PRSS12: variants seen among roughly 807,000 people sequenced by gnomAD.
PRSS12 encodes serine protease 12.
PRSS12 carries 85 observed loss-of-function variants against 104.4 expected under a neutral mutation model. That is an observed-to-expected ratio of 0.81 (90% CI 0.68 to 0.98). PRSS12 has a LOEUF of 0.98. PRSS12 is among the 50% of genes least tolerant of loss of function. The pLI is 0.00. For synonymous variants in PRSS12, 454 were observed against 425.2 expected (o/e 1.07, Z -0.83); for missense variants, 1,141 against 1,139.2 (o/e 1.00, Z -0.02).
intron 4 of PRSS12, among the ~76,000 whole-genome samples, chr4:118,328,026 T>C (rs1240189708): frequency 1.3e-5 from 2 of 152,178 alleles, no homozygotes; most frequent in Admixed American, 1.3e-4. Flanking sequence ...AAAACTGAGA[T>C]GAAATTTGCT....
chr4:118,331,093 G>A (rs1037638194), intron 4 of PRSS12, among the ~76,000 whole-genome samples: 3 of 152,116 alleles, frequency 2.0e-5, no homozygotes, highest in Admixed American at 6.6e-5. Context: ...TATAATTTTA[G>A]AGAAACTTTC....
chr4:118,319,701 A>T (rs934194014), intron 4 of PRSS12, among the ~76,000 whole-genome samples: 1 of 152,096 alleles, frequency 6.6e-6, no homozygotes, highest in African/African-American at 2.4e-5. Flanking sequence ...ATTTTGAGAC[A>T]GGGTCTCACT....
chr4:118,300,464 G>A (rs1279407040), intron 8 of PRSS12, among the ~76,000 whole-genome samples: 1 of 151,894 alleles, frequency 6.6e-6, no homozygotes, highest in Non-Finnish European at 1.5e-5. Context: ...TCAAACTAAC[G>A]CCATATTTAG....
At chr4:118,293,611 A>C (rs1003815701) in intron 11 of PRSS12, among the ~76,000 whole-genome samples, 1 of 152,228 alleles carries the variant, frequency 6.6e-6, no homozygotes, top group Non-Finnish European at 1.5e-5. Context: ...GCCCAATACA[A>C]AAACAGGCAA....
intron 1 of PRSS12, among the ~76,000 whole-genome samples, chr4:118,338,624 T>C (rs1410656068): frequency 6.6e-6 from 1 of 152,170 alleles, no homozygotes; most frequent in African/African-American, 2.4e-5. Context: ...CCACTGTAAT[T>C]TTCAAAGGGG....
intron 1 of PRSS12, among the ~76,000 whole-genome samples, chr4:118,348,542 T>C (rs528183549): frequency 2.6e-5 from 4 of 152,314 alleles, no homozygotes; most frequent in African/African-American, 9.6e-5. Context: ...ACTCAGAGCC[T>C]GGGCTACAGT....
At chr4:118,318,914 T>C (rs1048603830) in intron 4 of PRSS12, among the ~76,000 whole-genome samples, 8 of 152,214 alleles carry the variant, frequency 5.3e-5, no homozygotes, top group African/African-American at 1.7e-4. Flanking sequence ...AAACATAACA[T>C]AAAGTTTACC....
At chr4:118,320,960 T>C (rs538212318) in intron 4 of PRSS12, among the ~76,000 whole-genome samples, 2 of 152,242 alleles carry the variant, frequency 1.3e-5, no homozygotes, top group East Asian at 3.9e-4. Context: ...AATATTTTCA[T>C]GGAGTTAACA....
intron 11 of PRSS12, 85 bp downstream of exon 11, chr4:118,294,854 A>T (rs1743216257): frequency 6.4e-6 from 10 of 1,563,420 alleles, no homozygotes; most frequent in Non-Finnish European, 8.8e-6. Context: ...TGGCTCTGAC[A>T]CCTTGAGTGC....
chr4:118,337,369 C>T (rs1724087584), intron 2 of PRSS12, among the ~76,000 whole-genome samples: 3 of 152,032 alleles, frequency 2.0e-5, no homozygotes, highest in South Asian at 4.1e-4. Context: ...AAAGGAGACA[C>T]AAAAACAAAA....
Position 118,352,353 on chromosome 4 carries a change from G to A in PRSS12, c.368C>T (p.Pro123Leu), listed in dbSNP as rs751967391. 3 of 1,571,360 alleles carry A rather than the reference G, an allele frequency of 1.9e-6. No homozygotes were observed. The highest frequency in any genetic ancestry group is 2.6e-6 in the Non-Finnish European group (3 of 1,164,208). ...TCGCAGCTGAGCCCAGCTCGCTGGGGGCGACCGCTCCAGGAAGGGTGGCAC... is the reference window on the plus strand; with the variant it reads ...TCGCAGCTGAGCCCAGCTCGCTGGGAGCGACCGCTCCAGGAAGGGTGGCAC... ...AEVPPFLERS[P>L]PASWAQLRGQ... Residue 123 changes from proline (P) to leucine (L), a missense_variant, in exon 1 of 13, where the codon CCC becomes CTC. Physicochemically the swap from Pro to Leu is moderately conservative, Grantham distance 98 (BLOSUM62 -3). Transcript: ENST00000296498.
intron 4 of PRSS12, among the ~76,000 whole-genome samples, chr4:118,319,570 C>G (rs1218015812): frequency 2.0e-5 from 3 of 152,200 alleles, no homozygotes; most frequent in African/African-American, 7.2e-5. Flanking sequence ...CTTGAGCTGG[C>G]TACCTCTAGT....
intron 8 of PRSS12, 66 bp from the exon 9 acceptor site, chr4:118,299,004 A>C: frequency 6.6e-7 from 1 of 1,521,896 alleles, no homozygotes; most frequent in East Asian, 2.3e-5. Context: ...AAATCACAAC[A>C]TGTATTCAAT....
chr4:118,292,061 G>GT (rs910560826), intron 11 of PRSS12, among the ~76,000 whole-genome samples: 82 of 146,694 alleles, frequency 5.6e-4, no homozygotes, highest in African/African-American at 1.5e-3. Flanking sequence ...ATGTATCCTA[G>GT]TTTTTTTTTT....
chr4:118,290,153 T>G (rs1014461416), intron 11 of PRSS12, among the ~76,000 whole-genome samples: 1 of 152,168 alleles, frequency 6.6e-6, no homozygotes, highest in African/African-American at 2.4e-5. Flanking sequence ...AGACGATTAC[T>G]GACTTTAAGC....
chr4:118,308,648 C>CA, intron 7 of PRSS12, 71 bp from the exon 8 acceptor site: 1 of 1,557,836 alleles, frequency 6.4e-7, no homozygotes, highest in Non-Finnish European at 8.8e-7. Flanking sequence ...AGCGACTCTA[C>CA]AAAACACAAT....
chr4:118,346,224 C>T lies in PRSS12; in HGVS notation c.502+5995G>A, dbSNP rs539730543. Among the ~76,000 whole-genome samples, 4 of 152,160 alleles carry T rather than the reference C, an allele frequency of 2.6e-5. No homozygotes were observed. In the South Asian group the frequency reaches 8.3e-4, roughly 32 times the overall value. On this transcript the variant is annotated intron_variant, in intron 1 of 12. Coordinates refer to ENST00000296498, the MANE Select transcript of PRSS12 (RefSeq NM_003619.4). Reference sequence around the variant, plus strand: ...AGAAGTGTACCATGCTGGAGTCTGCCCATCACATGGACTTCTTGTAATAGG... The same window carrying T: ...AGAAGTGTACCATGCTGGAGTCTGCTCATCACATGGACTTCTTGTAATAGG...
chr4:118,312,805 G>A, intron 7 of PRSS12: 1 of 249,132 alleles, frequency 4.0e-6, no homozygotes, highest in Non-Finnish European at 7.9e-6. Flanking sequence ...CCATGAGACA[G>A]GGAGAGGAGA....
At chr4:118,287,990 GT>G (rs543857609) in intron 11 of PRSS12, among the ~76,000 whole-genome samples, 91 of 152,210 alleles carry the variant, frequency 6.0e-4, no homozygotes, top group Middle Eastern at 3.4e-3. Flanking sequence ...CAATGTCCAA[GT>G]TTCTCTGAGA....
Sources: allele counts gnomAD v4.1 joint callset (sites outside exome capture counted in the v4.1 genomes callset), GRCh38; gene constraint gnomAD v4.1.1; transcripts MANE v1.5; gene names NCBI Gene and HGNC (gene_info 2026-07-23, HGNC 2026-07-21).